MYRIP: variants seen among roughly 807,000 people sequenced by gnomAD.
The protein encoded by MYRIP is myosin VIIA and Rab interacting protein, also known as rab effector MyRIP.
MYRIP carries 49 observed loss-of-function variants against 98.0 expected under a neutral mutation model. The observed-to-expected ratio is 0.50, with a 90% CI of 0.40 to 0.63. The LOEUF (loss-of-function observed/expected upper bound fraction) is 0.63, where lower values mean the gene tolerates loss of function less well. Ranked by LOEUF, MYRIP falls within the 30% of genes least tolerant of loss-of-function variation. The probability of loss-of-function intolerance (pLI) is 0.00; values close to 1 mark genes in which losing one functional copy is unlikely to be tolerated. For synonymous variants in MYRIP, 404 were observed against 409.5 expected (o/e 0.99, Z 0.16); for missense variants, 1,004 against 1,058.2 (o/e 0.95, Z 0.71).
intron 1 of MYRIP, among the ~76,000 whole-genome samples, chr3:39,899,516 C>T (rs1053768311): frequency 2.0e-5 from 3 of 152,062 alleles, no homozygotes; most frequent in Non-Finnish European, 4.4e-5. Flanking sequence ...ATGATCCAAA[C>T]TAAAAATTTC....
intron 1 of MYRIP, among the ~76,000 whole-genome samples, chr3:39,887,151 G>A (rs375302595): frequency 6.6e-6 from 1 of 152,060 alleles, no homozygotes; most frequent in East Asian, 1.9e-4. Context: ...CGAGAACAAA[G>A]ACACAACATA....
At chr3:40,002,123 G>T (rs1206642774) in intron 2 of MYRIP, among the ~76,000 whole-genome samples, 1 of 152,180 alleles carries the variant, frequency 6.6e-6, no homozygotes, top group Non-Finnish European at 1.5e-5. Context: ...GCATGCAAAA[G>T]GCCTTTGATC....
At chr3:39,827,798 T>A (rs1941315209) in intron 1 of MYRIP, among the ~76,000 whole-genome samples, 1 of 152,160 alleles carries the variant, frequency 6.6e-6, no homozygotes, top group Non-Finnish European at 1.5e-5. Context: ...AATTCCCTGT[T>A]TTTGCTTGTC....
At chr3:39,979,995 A>G (rs1945850944) in intron 2 of MYRIP, among the ~76,000 whole-genome samples, 4 of 152,240 alleles carry the variant, frequency 2.6e-5, no homozygotes, top group Admixed American at 2.0e-4. Flanking sequence ...TCACATGCCA[A>G]TGGGGAGGCA....
In MYRIP at chr3:40,135,106, A is replaced by G. The variant is rs140701122; in HGVS notation, c.333-15942A>G. On this transcript the variant is annotated intron_variant, in intron 3 of 16. Coordinates refer to ENST00000302541, the MANE Select transcript of MYRIP (RefSeq NM_015460.4). ...CTCTGAGCTACAGGAGGAAGTTTGA[A>G]CCAATGGCAAAGAAGTTAAAAACTT... Among the ~76,000 whole-genome samples the G allele has an allele frequency of 9.3e-3, 1,420 of 152,306 alleles. 22 individuals are homozygous for G. Among genetic ancestry groups the G allele is most frequent in the African/African-American group, 0.032 (1,321 of 41,550 alleles).
chr3:39,903,375 A>G (rs1454280337), intron 2 of MYRIP, among the ~76,000 whole-genome samples: 1 of 152,170 alleles, frequency 6.6e-6, no homozygotes. Flanking sequence ...TAAATTTTAC[A>G]ATCTTGAATT....
Position 40,143,267 on chromosome 3 carries a change from G to A in MYRIP, c.333-7781G>A, listed in dbSNP as rs563629783. ...ATGCACAGACGCAGGATTCCACCCT[G>A]TCCTCTATTTCAGCAGGATGCCGAC... On this transcript the variant is annotated intron_variant, in intron 3 of 16. Coordinates refer to ENST00000302541, the MANE Select transcript of MYRIP (RefSeq NM_015460.4). 2.6e-5 allele frequency among the ~76,000 whole-genome samples: 4 copies of A among 152,282 alleles called. No individual in the cohort carries two copies. In the East Asian group the frequency reaches 7.7e-4, roughly 29 times the overall value.
chr3:39,967,487 T>C (rs1220323029), intron 2 of MYRIP, among the ~76,000 whole-genome samples: 1 of 152,212 alleles, frequency 6.6e-6, no homozygotes, highest in African/African-American at 2.4e-5. Flanking sequence ...CAGCCTGTCC[T>C]TGATGGGCAT....
At chr3:40,221,324 T>C (rs927523365) in intron 11 of MYRIP, among the ~76,000 whole-genome samples, 5 of 152,180 alleles carry the variant, frequency 3.3e-5, no homozygotes, top group African/African-American at 1.2e-4. Context: ...GATGCCACTT[T>C]TGCCTAATAA....
At chr3:40,007,717 G>A (rs983790899) in intron 2 of MYRIP, among the ~76,000 whole-genome samples, 3 of 152,228 alleles carry the variant, frequency 2.0e-5, no homozygotes, top group African/African-American at 7.2e-5. Context: ...TGGCTTAGAT[G>A]ATTATGAAAA....
intron 1 of MYRIP, among the ~76,000 whole-genome samples, chr3:39,877,956 T>C (rs1413231868): frequency 6.6e-6 from 1 of 152,210 alleles, no homozygotes; most frequent in Non-Finnish European, 1.5e-5. Flanking sequence ...AGGTGGAGCC[T>C]ACAGAGGCAG....
chr3:40,029,884 AC>A (rs1256310558), intron 2 of MYRIP, among the ~76,000 whole-genome samples: 1 of 151,862 alleles, frequency 6.6e-6, no homozygotes, highest in Admixed American at 6.6e-5. Flanking sequence ...GCAAAGCAAG[AC>A]CCCGTCTCTA....
intron 2 of MYRIP, among the ~76,000 whole-genome samples, chr3:39,904,459 C>A (rs1364453015): frequency 6.6e-6 from 1 of 152,188 alleles, no homozygotes; most frequent in Non-Finnish European, 1.5e-5. Context: ...GGGTCTCGAA[C>A]TCCTGAGCTC....
At chr3:40,188,544 G>C (rs938010297) in intron 9 of MYRIP, among the ~76,000 whole-genome samples, 1 of 151,954 alleles carries the variant, frequency 6.6e-6, no homozygotes, top group Non-Finnish European at 1.5e-5. Flanking sequence ...TTGGGAGGCT[G>C]AGGCGGGTGG....
intron 1 of MYRIP, among the ~76,000 whole-genome samples, chr3:39,845,169 ACT>A (rs1478185369): frequency 3.9e-5 from 6 of 151,986 alleles, no homozygotes; most frequent in Non-Finnish European, 8.8e-5. Flanking sequence ...GAAATAGTAG[ACT>A]CTACTCTGGT....
At chr3:39,946,334 C>G (rs974988687) in intron 2 of MYRIP, among the ~76,000 whole-genome samples, 6 of 152,014 alleles carry the variant, frequency 3.9e-5, no homozygotes, top group Non-Finnish European at 7.4e-5. Context: ...GAGGTTCTAC[C>G]CTATCCAACC....
At chr3:40,222,311 A>G (rs1333213484) in intron 11 of MYRIP, among the ~76,000 whole-genome samples, 2 of 152,152 alleles carry the variant, frequency 1.3e-5, no homozygotes, top group African/African-American at 4.8e-5. Context: ...TGTTGCTATG[A>G]AAAGGGGTGG....
At chr3:39,983,790 C>T (rs945567678) in intron 2 of MYRIP, among the ~76,000 whole-genome samples, 1 of 152,144 alleles carries the variant, frequency 6.6e-6, no homozygotes, top group Non-Finnish European at 1.5e-5. Context: ...TTATAAAATA[C>T]TTGAGAACAT....
chr3:40,005,349 G>A lies in MYRIP; in HGVS notation c.111-38701G>A, dbSNP rs565423601. ...CTGTGAGAAAGTCAGTTCTAAGTCAGTATTTGTTAAATGTATGAAATAACC... is the reference window on the plus strand; with the variant it reads ...CTGTGAGAAAGTCAGTTCTAAGTCAATATTTGTTAAATGTATGAAATAACC... On this transcript the variant is annotated intron_variant, in intron 2 of 16. Coordinates refer to ENST00000302541, the MANE Select transcript of MYRIP (RefSeq NM_015460.4). 4.6e-5 allele frequency among the ~76,000 whole-genome samples: 7 copies of A among 152,214 alleles called. No individual in the cohort carries two copies. In the South Asian group the frequency reaches 1.2e-3, roughly 27 times the overall value.
Sources: gnomAD v4.1 joint callset for allele counts (sites outside exome capture counted in the v4.1 genomes callset) on GRCh38, gnomAD v4.1.1 for gene constraint, MANE v1.5 for transcripts, NCBI Gene and HGNC (gene_info 2026-07-23, HGNC 2026-07-21) for gene names.